RAI14: variants seen among roughly 807,000 people sequenced by gnomAD.
RAI14 encodes ankycorbin.
In RAI14, 45 loss-of-function variants were observed where a neutral mutation model predicts 115.4. The observed-to-expected ratio is 0.39, with a 90% confidence interval of 0.31 to 0.50. The LOEUF is 0.50. RAI14 is among the 20% of genes least tolerant of loss of function. The probability of loss-of-function intolerance (pLI) is 0.85; values close to 1 mark genes in which losing one functional copy is unlikely to be tolerated. For missense variants in RAI14, 939 were observed against 1,131.2 expected, an observed-to-expected ratio of 0.83 and a Z score of 2.44; for synonymous variants, 371 against 415.4, an observed-to-expected ratio of 0.89 and a Z score of 1.30.
rs1278353978 is a variant in RAI14 at position 34,831,996 on chromosome 5, T to C, written c.*1231T>C. 2.0e-5 allele frequency: 3 copies of C among 152,232 alleles called. No homozygotes were observed. The highest frequency in any genetic ancestry group is 2.0e-4 in the Admixed American group (3 of 15,280). 9.4% of individuals were successfully genotyped at this position (152,232 alleles called of 1,614,324 possible). A position where few individuals can be genotyped will look rare whatever the true frequency, so the allele number is the denominator to read the frequency against. On this transcript the variant is annotated 3_prime_UTR_variant, in exon 18 of 18. Transcript: ENST00000265109. ...AGCTAAAAACCCTGATATGGTAATA[T>C]TATGGTGCATAGCAGAGGTCTCGGA...
At chr5:34,800,860 G>C (rs982810106) in intron 4 of RAI14, among the ~76,000 whole-genome samples, 1 of 152,162 alleles carries the variant, frequency 6.6e-6, no homozygotes, top group African/African-American at 2.4e-5. Context: ...GTTCACAGCA[G>C]GGACAAGTTA....
At chr5:34,691,147 G>T (rs1289947601) in intron 2 of RAI14, among the ~76,000 whole-genome samples, 1 of 152,072 alleles carries the variant, frequency 6.6e-6, no homozygotes, top group Non-Finnish European at 1.5e-5. Flanking sequence ...AAGGATGGTT[G>T]GGAAGAGGGG....
At chr5:34,805,699 G>A (rs376571719) in intron 5 of RAI14, among the ~76,000 whole-genome samples, 28 of 152,104 alleles carry the variant, frequency 1.8e-4, no homozygotes, top group East Asian at 1.2e-3. Flanking sequence ...AAATTAGCCG[G>A]GCGTGGTGGT....
chr5:34,674,841 G>A (rs935181975), intron 1 of RAI14, among the ~76,000 whole-genome samples: 8 of 151,448 alleles, frequency 5.3e-5, no homozygotes, highest in East Asian at 3.9e-4. Flanking sequence ...CGCCCATCTC[G>A]GGCTTCCAAA....
chr5:34,708,205 TTG>T (rs1033698694), intron 2 of RAI14, among the ~76,000 whole-genome samples: 16 of 151,636 alleles, frequency 1.1e-4, no homozygotes, highest in Non-Finnish European at 1.9e-4. Context: ...CTTTGGGTTT[TTG>T]TTTTTTTTTT....
chr5:34,826,903 C>G lies in RAI14; in HGVS notation c.2799+424C>G, dbSNP rs1315424207. On this transcript the variant is annotated intron_variant, in intron 16 of 17. Transcript: ENST00000265109. ...TCTTGGCCCCTCTCCTTATTTCACCCAGGAAAGCCCTTGCTTATCTAAATT... is the reference window on the plus strand; with the variant it reads ...TCTTGGCCCCTCTCCTTATTTCACCGAGGAAAGCCCTTGCTTATCTAAATT... Among the ~76,000 whole-genome samples, 10 of 152,162 alleles carry G rather than the reference C, an allele frequency of 6.6e-5. 1 individual carries two copies. In the South Asian group the frequency reaches 1.9e-3, roughly 28 times the overall value.
At chr5:34,817,154 G>A (rs1017546840) in intron 12 of RAI14, among the ~76,000 whole-genome samples, 30 of 151,576 alleles carry the variant, frequency 2.0e-4, no homozygotes, top group African/African-American at 7.0e-4. Context: ...GCGGGCACCT[G>A]TAGTCCCAGC....
In RAI14 at chr5:34,810,874, A is replaced by G. The variant is rs190701845; in HGVS notation, c.451-138A>G. On this transcript the variant is annotated intron_variant, in intron 7 of 17. Coordinates refer to ENST00000265109, the MANE Select transcript of RAI14 (RefSeq NM_015577.3). ...AATCGTGACTCTATAGGGGTACAGA[A>G]TATCAGGTTGGACCAGATACTAGAT... 1,238 of 1,303,930 alleles carry G rather than the reference A, an allele frequency of 9.5e-4. 2 individuals are homozygous for G. The highest frequency in any genetic ancestry group is 1.2e-3 in the Non-Finnish European group (1,133 of 943,526). 80.8% of individuals were successfully genotyped at this position (1,303,930 alleles called of 1,614,324 possible). A position where few individuals can be genotyped will look rare whatever the true frequency, so the allele number is the denominator to read the frequency against.
intron 2 of RAI14, among the ~76,000 whole-genome samples, chr5:34,704,843 T>C (rs756271415): frequency 2.0e-5 from 3 of 152,248 alleles, no homozygotes; most frequent in Non-Finnish European, 2.9e-5. Context: ...GAAATACTCT[T>C]TCTGTGAGGA....
chr5:34,764,005 C>T (rs1749019323), intron 3 of RAI14, among the ~76,000 whole-genome samples: 1 of 152,146 alleles, frequency 6.6e-6, no homozygotes, highest in Non-Finnish European at 1.5e-5. Flanking sequence ...GTACCCACCA[C>T]CACACCTGGC....
intron 2 of RAI14, among the ~76,000 whole-genome samples, chr5:34,748,931 A>G (rs1746654617): frequency 6.6e-6 from 1 of 152,226 alleles, no homozygotes; most frequent in African/African-American, 2.4e-5. Flanking sequence ...TGTAACAGCT[A>G]TAGAATCTTC....
chr5:34,771,094 G>T (rs908691105), intron 3 of RAI14, among the ~76,000 whole-genome samples: 1 of 152,198 alleles, frequency 6.6e-6, no homozygotes, highest in Non-Finnish European at 1.5e-5. Flanking sequence ...AAAGAAGGGA[G>T]TCGTGGGTGT....
intron 2 of RAI14, among the ~76,000 whole-genome samples, chr5:34,704,938 G>A (rs1022415880): frequency 1.3e-5 from 2 of 152,110 alleles, no homozygotes; most frequent in African/African-American, 4.8e-5. Flanking sequence ...TATGGCTAGA[G>A]CTACTAAGGA....
intron 2 of RAI14, among the ~76,000 whole-genome samples, chr5:34,741,207 A>G (rs999730640): frequency 6.6e-6 from 1 of 152,246 alleles, no homozygotes; most frequent in African/African-American, 2.4e-5. Context: ...GAAGAATGTG[A>G]AAGTTTCTGC....
intron 3 of RAI14, among the ~76,000 whole-genome samples, chr5:34,775,715 G>A (rs1750749968): frequency 6.6e-6 from 1 of 152,160 alleles, no homozygotes; most frequent in Non-Finnish European, 1.5e-5. Context: ...TAACTACTAT[G>A]AGCTATTGTT....
At chr5:34,725,013 A>G (rs1743268106) in intron 2 of RAI14, among the ~76,000 whole-genome samples, 1 of 152,010 alleles carries the variant, frequency 6.6e-6, no homozygotes, top group African/African-American at 2.4e-5. Flanking sequence ...TATGTTGGTA[A>G]CAGTTAAAGC....
At chr5:34,799,539 C>CACAA (rs1554007142) in intron 4 of RAI14, among the ~76,000 whole-genome samples, 2 of 57,210 alleles carry the variant, frequency 3.5e-5, no homozygotes, top group Non-Finnish European at 4.6e-5. Flanking sequence ...CACACACACA[C>CACAA]AAAACCACCT....
At chr5:34,750,193 G>T (rs1490352444) in intron 2 of RAI14, among the ~76,000 whole-genome samples, 1 of 152,210 alleles carries the variant, frequency 6.6e-6, no homozygotes, top group African/African-American at 2.4e-5. Flanking sequence ...TAAGGACAGG[G>T]AGGCCCAGGG....
At chr5:34,676,051 A>G (rs1167354974) in intron 1 of RAI14, among the ~76,000 whole-genome samples, 1 of 152,250 alleles carries the variant, frequency 6.6e-6, no homozygotes, top group African/African-American at 2.4e-5. Context: ...TTGCTGAGTC[A>G]TGTGGTAAAT....
Sources: allele counts gnomAD v4.1 joint callset (sites outside exome capture counted in the v4.1 genomes callset), GRCh38; gene constraint gnomAD v4.1.1; transcripts MANE v1.5; gene names NCBI Gene and HGNC (gene_info 2026-07-23, HGNC 2026-07-21).